The following SEC16A variants were observed in gnomAD, a reference collection of about 807,000 sequenced individuals.
SEC16A encodes protein transport protein Sec16A.
Under a neutral mutation model 221.9 loss-of-function variants are expected in SEC16A, and 110 were observed. That is an observed-to-expected ratio of 0.50 (90% CI 0.42 to 0.58). The LOEUF (loss-of-function observed/expected upper bound fraction) is 0.58. Ranked by LOEUF, SEC16A falls within the 20% of genes least tolerant of loss-of-function variation. The pLI, the probability that SEC16A is intolerant of heterozygous loss-of-function variation, is 0.00. For missense variants in SEC16A, 3,165 were observed against 3,097.8 expected (o/e 1.02, Z -0.52); for synonymous variants, 1,393 against 1,257.7 (o/e 1.11, Z -2.28).
At position 136,445,131 on chromosome 9, in the gene SEC16A, C is replaced by T; in HGVS notation, c.6868-20G>A. 2 of 1,594,264 alleles carry T rather than the reference C, an allele frequency of 1.3e-6. No individual in the cohort carries two copies. The highest frequency in any genetic ancestry group is 2.3e-5 in the East Asian group (1 of 44,212). On this transcript the variant is annotated intron_variant, in intron 29 of 31. Transcript: ENST00000684901. ...CGAAAGCTACAAAACAGCAAGAACA[C>T]ACATAAAACACGGACGAAAGTCAAC... is the stretch of plus-strand genomic sequence containing the variant.
intron 18 of SEC16A, among the ~76,000 whole-genome samples, chr9:136,456,530 AGGGGGCAGAACACAAGTTTGGCCCTG>A (rs1838697957): frequency 6.6e-6 from 1 of 152,200 alleles, no homozygotes; most frequent in Admixed American, 6.5e-5. Flanking sequence ...AGCGGGACAG[AGGGGGCAGAACACAAGTTTGGCCCTG>A]TGTTCGTAAC....
At chr9:136,463,974 A>C (rs558401054) in intron 9 of SEC16A, among the ~76,000 whole-genome samples, 2 of 152,336 alleles carry the variant, frequency 1.3e-5, no homozygotes, top group East Asian at 3.9e-4. Flanking sequence ...TTCTCTCCCC[A>C]AATACTGAGG....
rs996029947 is a variant in SEC16A at position 136,440,398 on chromosome 9, A to G, written c.*1357T>C. ...GAAAACATCCTGGGTGGTCTGGGCT[A>G]AATGATCAAGTGAAACAGAAAGCCA... is the stretch of plus-strand genomic sequence containing the variant. On this transcript the variant is annotated 3_prime_UTR_variant, in exon 32 of 32. Coordinates refer to ENST00000684901, the MANE Select transcript of SEC16A (RefSeq NM_014866.2). 6.6e-6 allele frequency: 1 copy of G among 152,600 alleles called. No homozygotes were observed. The highest frequency in any genetic ancestry group is 2.4e-5 in the African/African-American group (1 of 41,464). 9.5% of individuals were successfully genotyped at this position (152,600 alleles called of 1,614,324 possible).
At position 136,460,099 on chromosome 9, in the gene SEC16A, G is replaced by T; in HGVS notation, c.5016C>A (p.Asn1672Lys). The change falls in exon 14 of 32, where the codon AAC becomes AAA. Residue 1672 changes from asparagine to lysine, a missense_variant. Physicochemically the swap from Asn to Lys is moderately conservative, Grantham distance 94. Transcript: ENST00000684901. ...MTRFANSLPINDPLQTVYQLM... is the reference protein window; with the variant it reads ...MTRFANSLPIKDPLQTVYQLM... ...GCTGGTAGACTGTCTGCAGAGGGTC[G>T]TTGATTGGGAGGCTGTTAGCAAACC... 1 of 1,607,350 alleles carries T rather than the reference G, an allele frequency of 6.2e-7. No individual in the cohort carries two copies. The highest frequency in any genetic ancestry group is 8.5e-7 in the Non-Finnish European group (1 of 1,176,878).
chr9:136,473,281 A>G (rs934220871), intron 3 of SEC16A, among the ~76,000 whole-genome samples: 3 of 152,180 alleles, frequency 2.0e-5, no homozygotes, highest in African/African-American at 4.8e-5. Context: ...CTATCACACA[A>G]TCCTTCTACC....
In SEC16A at chr9:136,441,632, G is replaced by T; in HGVS notation, c.*123C>A. 2.6e-6 allele frequency: 2 copies of T among 760,500 alleles called. No homozygotes were observed. The highest frequency in any genetic ancestry group is 4.6e-6 in the Non-Finnish European group (2 of 434,982). 47.1% of individuals were successfully genotyped at this position (760,500 alleles called of 1,614,324 possible). A position where few individuals can be genotyped will look rare whatever the true frequency, so the allele number is the denominator to read the frequency against. Reference sequence around the variant, plus strand: ...CGGTGAGGAGGGAGGCACAGTGTGCGACCAGCTCTGAGTCACTGCTGTGTC... The same window carrying T: ...CGGTGAGGAGGGAGGCACAGTGTGCTACCAGCTCTGAGTCACTGCTGTGTC... On this transcript the variant is annotated 3_prime_UTR_variant, in exon 32 of 32. Coordinates refer to ENST00000684901, the MANE Select transcript of SEC16A (RefSeq NM_014866.2).
chr9:136,454,023 A>C (rs1196387536), intron 21 of SEC16A, 86 bp downstream of exon 21: 2 of 1,267,924 alleles, frequency 1.6e-6, no homozygotes, highest in Non-Finnish European at 2.2e-6. Context: ...TTCAAGCTCA[A>C]ATAACTTCAA....
chr9:136,454,073 G>T, intron 21 of SEC16A, 36 bp downstream of exon 21: 1 of 1,518,828 alleles, frequency 6.6e-7, no homozygotes. Flanking sequence ...ACCCCATGCT[G>T]CTTCTGCTCT....
At position 136,474,594 on chromosome 9, in the gene SEC16A, C is replaced by T. The variant is rs551893808; in HGVS notation, c.3022G>A (p.Val1008Met). Residue 1008 changes from valine (V) to methionine (M), a missense_variant, in exon 3 of 32, where the codon GTG becomes ATG. Physicochemically the swap from Val to Met is conservative, Grantham distance 21. Transcript: ENST00000684901. ...CTGTCAGAATGGGACGGGTTGTACA[C>T]GTTTACAGGATTTTCCAAAGTCCTG... ...LSRTLENPVN[V>M]YNPSHSDSLA... The T allele has an allele frequency of 2.0e-5, 32 of 1,612,908 alleles. No homozygotes were observed. The East Asian group carries it at 5.6e-4, about 28-fold the overall frequency.
chr9:136,476,910 G>C lies in SEC16A; in HGVS notation c.706C>G (p.Pro236Ala), dbSNP rs369856596. The C allele has an allele frequency of 1.6e-5, 25 of 1,611,656 alleles. No homozygotes were observed. The African/African-American group carries it at 2.0e-4, about 13-fold the overall frequency. The change falls in exon 3 of 32, where the codon CCT becomes GCT. Residue 236 changes from proline to alanine, a missense_variant. Physicochemically the swap from Pro to Ala is conservative, Grantham distance 27 (BLOSUM62 -1). Around this residue, in one of 3 missense-constraint regions of SEC16A, gnomAD observed 2,030 missense variants for 1,923.1 expected, o/e 1.06. Transcript: ENST00000684901. ...GQHRSPCPEG[P>A]VPSGVPCATS... is the part of the protein sequence containing the mutation. The stretch of plus-strand genomic sequence containing the variant: ...GCACAGGGCACCCCGCTGGGAACAG[G>C]TCCTTCAGGGCAGGGTGAACGATGT...
chr9:136,476,221 A>C lies in SEC16A; in HGVS notation c.1395T>G (p.Val465=). 6.2e-7 allele frequency: 1 copy of C among 1,613,724 alleles called. No individual in the cohort carries two copies. The highest frequency in any genetic ancestry group is 8.5e-7 in the Non-Finnish European group (1 of 1,179,896). The part of the protein sequence containing the change: ...QYENVENLEF[V]QNQEVLPSEP... ...CACTTGGCAGAACTTCTTGATTCTG[A>C]ACAAATTCTAAGTTCTCAACATTCT... Residue 465 remains valine (V), a synonymous_variant, in exon 3 of 32, where the codon GTT becomes GTG. Coordinates refer to ENST00000684901, the MANE Select transcript of SEC16A (RefSeq NM_014866.2).
intron 13 of SEC16A, 21 bp from the exon 14 acceptor site, chr9:136,460,144 A>G: frequency 3.8e-6 from 6 of 1,578,644 alleles, no homozygotes; most frequent in East Asian, 2.3e-5. Flanking sequence ...ATAAACACAG[A>G]AAGACCCCAT....
chr9:136,455,580 C>A (rs1029718648), intron 20 of SEC16A, 21 bp downstream of exon 20: 5 of 1,529,336 alleles, frequency 3.3e-6, no homozygotes, highest in Non-Finnish European at 4.4e-6. Context: ...CTGAGGGCAG[C>A]AGCCGCGCAC....
chr9:136,447,945 C>G lies in SEC16A; in HGVS notation c.6391-36G>C. On this transcript the variant is annotated intron_variant, in intron 24 of 31. Transcript: ENST00000684901. The surrounding 1 kb of genome is among the most constrained non-coding windows in gnomAD (Gnocchi z 5.5). The stretch of plus-strand genomic sequence containing the variant: ...TTTAAAAAGAAAAAAGGTCAGCAGA[C>G]TGAACCTAAACAGAATTAGCATCTG... 6.3e-7 allele frequency: 1 copy of G among 1,581,290 alleles called. No individual in the cohort carries two copies. Among genetic ancestry groups the G allele is most frequent in the African/African-American group, 1.3e-5 (1 of 74,302 alleles).
rs995983977 is a variant in SEC16A, at chr9:136,478,845, T to A, written c.-191-15A>T. 4.6e-5 allele frequency among the ~76,000 whole-genome samples: 7 copies of A among 152,168 alleles called. No individual in the cohort carries two copies. The highest frequency in any genetic ancestry group is 6.5e-5 in the Admixed American group (1 of 15,278). ...CAAGACGGTCTCTATTTTAAAAAAA[T>A]AAATAAATAAAAAGTGACACAATCA... On this transcript the variant is annotated splice_polypyrimidine_tract_variant and intron_variant, in intron 1 of 31. Transcript: ENST00000684901.
Position 136,461,160 on chromosome 9 carries a change from C to T in SEC16A, c.4991+17G>A, listed in dbSNP as rs1839427323. 1.3e-6 allele frequency: 2 copies of T among 1,581,998 alleles called. No individual in the cohort carries two copies. The highest frequency in any genetic ancestry group is 1.8e-5 in the Admixed American group (1 of 56,504). On this transcript the variant is annotated intron_variant, in intron 13 of 31. Coordinates refer to ENST00000684901, the MANE Select transcript of SEC16A (RefSeq NM_014866.2). Reference sequence around the variant, plus strand: ...CAGCAGGGCTCGCCACTGGACCAGGCCACTGTGGGACTGTACCTGGTCATG... The same window carrying T: ...CAGCAGGGCTCGCCACTGGACCAGGTCACTGTGGGACTGTACCTGGTCATG...
At chr9:136,469,313 T>C (rs1323932399) in intron 4 of SEC16A, among the ~76,000 whole-genome samples, 5 of 152,200 alleles carry the variant, frequency 3.3e-5, no homozygotes, top group Non-Finnish European at 7.4e-5. Flanking sequence ...TCAGGTCTCC[T>C]GGAGCTGACG....
chr9:136,450,255 A>ATC (rs1793473203), intron 23 of SEC16A, among the ~76,000 whole-genome samples: 4 of 152,332 alleles, frequency 2.6e-5, no homozygotes, highest in African/African-American at 9.6e-5. Context: ...TAAAAAGGCA[A>ATC]TCTACAGATT....
rs777129750 is a variant in SEC16A, at chr9:136,459,085, T to G, written c.5409+49A>C. 1 of 1,403,792 alleles carries G rather than the reference T, an allele frequency of 7.1e-7. No homozygotes were observed. Among genetic ancestry groups the G allele is most frequent in the Non-Finnish European group, 9.9e-7 (1 of 1,013,524 alleles). 87.0% of individuals were successfully genotyped at this position (1,403,792 alleles called of 1,614,324 possible). A position where few individuals can be genotyped will look rare whatever the true frequency, so the allele number is the denominator to read the frequency against. ...TAAGTAGCCAAAAGCTTGTTAGCACTGAGTGCCTGCCCAGCCATGACAGCT... is the reference window on the plus strand; with the variant it reads ...TAAGTAGCCAAAAGCTTGTTAGCACGGAGTGCCTGCCCAGCCATGACAGCT... On this transcript the variant is annotated intron_variant, in intron 17 of 31. Coordinates refer to ENST00000684901, the MANE Select transcript of SEC16A (RefSeq NM_014866.2). The surrounding 1 kb of genome is among the most constrained non-coding windows in gnomAD (Gnocchi z 6.1).
Sources: allele counts gnomAD v4.1 joint callset (sites outside exome capture counted in the v4.1 genomes callset), GRCh38; gene constraint gnomAD v4.1.1; regional missense constraint gnomAD v4.1.1; non-coding constraint Gnocchi (gnomAD v3.1); transcripts MANE v1.5; gene names NCBI Gene and HGNC (gene_info 2026-07-23, HGNC 2026-07-21).